The following RAB3IP variants were observed in gnomAD, a reference collection of about 807,000 sequenced individuals.
RAB3IP encodes rab-3A-interacting protein.
In RAB3IP, 36 loss-of-function variants were observed where a neutral mutation model predicts 59.1. That is an observed-to-expected ratio of 0.61 (90% CI 0.47 to 0.80). The LOEUF (loss-of-function observed/expected upper bound fraction) is 0.80. Among genes scored for constraint, RAB3IP ranks in the 30% least tolerant of loss-of-function variants. The pLI is 0.00. For synonymous variants in RAB3IP, 207 were observed against 191.2 expected (o/e 1.08, Z -0.68); for missense variants, 511 against 536.0 (o/e 0.95, Z 0.46).
At chr12:69,763,854 C>T (rs1253246905) in intron 3 of RAB3IP, among the ~76,000 whole-genome samples, 1 of 152,128 alleles carries the variant, frequency 6.6e-6, no homozygotes, top group African/African-American at 2.4e-5. Flanking sequence ...GAAAAAAATG[C>T]AATACTTGGT....
At chr12:69,754,937 C>T (rs1280292340) in intron 1 of RAB3IP, among the ~76,000 whole-genome samples, 1 of 152,072 alleles carries the variant, frequency 6.6e-6, no homozygotes, top group Non-Finnish European at 1.5e-5. Context: ...AATTTTTATT[C>T]ATTCCTCATA....
chr12:69,762,359 T>C (rs1871441422), intron 3 of RAB3IP, among the ~76,000 whole-genome samples: 1 of 152,198 alleles, frequency 6.6e-6, no homozygotes, highest in Non-Finnish European at 1.5e-5. Flanking sequence ...ATCAAATTAT[T>C]GTGTTGAGGT....
intron 3 of RAB3IP, among the ~76,000 whole-genome samples, chr12:69,767,638 C>T (rs538537593): frequency 3.3e-5 from 5 of 152,334 alleles, no homozygotes; most frequent in Admixed American, 3.3e-4. Context: ...AGTTGGTGCT[C>T]CAGGTGCCTG....
rs948841771 is a variant in RAB3IP, at chr12:69,768,240, G to C, written c.510+11577G>C. On this transcript the variant is annotated intron_variant, in intron 3 of 10. Transcript: ENST00000247833. ...GATCTGCCTGGGCATGGACCAGAGA[G>C]GGTCTTGCTGTACCACAGTCTATGT... is the stretch of plus-strand genomic sequence containing the variant. Among the ~76,000 whole-genome samples the C allele has an allele frequency of 2.6e-5, 4 of 152,108 alleles. No individual in the cohort carries two copies. In the East Asian group the frequency reaches 7.7e-4, roughly 29 times the overall value.
At chr12:69,771,217 A>G (rs1365501852) in intron 3 of RAB3IP, among the ~76,000 whole-genome samples, 1 of 152,168 alleles carries the variant, frequency 6.6e-6, no homozygotes, top group East Asian at 1.9e-4. Context: ...ATAGTATTTC[A>G]TTTTGTATAT....
intron 8 of RAB3IP, among the ~76,000 whole-genome samples, chr12:69,803,551 G>A (rs193274339): frequency 6.6e-5 from 10 of 151,796 alleles, no homozygotes; most frequent in Admixed American, 6.6e-4. Context: ...CAACATGCAG[G>A]TTTGTTACAT....
At chr12:69,780,731 G>A (rs997856061) in intron 3 of RAB3IP, among the ~76,000 whole-genome samples, 3 of 152,200 alleles carry the variant, frequency 2.0e-5, no homozygotes, top group African/African-American at 7.2e-5. Flanking sequence ...TAACTTTCAG[G>A]TCTGCTGCCA....
intron 8 of RAB3IP, among the ~76,000 whole-genome samples, chr12:69,803,051 C>T (rs985905850): frequency 2.6e-5 from 4 of 152,172 alleles, no homozygotes; most frequent in African/African-American, 9.7e-5. Flanking sequence ...TGTCATGCCT[C>T]ATTTTAAATA....
At chr12:69,748,998 A>G (rs1182076811) in intron 1 of RAB3IP, among the ~76,000 whole-genome samples, 1 of 152,218 alleles carries the variant, frequency 6.6e-6, no homozygotes, top group African/African-American at 2.4e-5. Flanking sequence ...CAGTATTTAA[A>G]TGTATCCCCC....
rs570474190 is a variant in RAB3IP at position 69,805,430 on chromosome 12, T to C, written c.1130+3709T>C. Among the ~76,000 whole-genome samples, 420 of 152,328 alleles carry C rather than the reference T, an allele frequency of 2.8e-3. 6 individuals are homozygous for C. Among genetic ancestry groups the C allele is most frequent in the Middle Eastern group, 0.024 (7 of 294 alleles). ...ATGGGGTTTTCTATGTGTACAATCA[T>C]GTCATCTGCAAATTGGGACAATTTG... On this transcript the variant is annotated intron_variant, in intron 8 of 10. Transcript: ENST00000247833.
intron 3 of RAB3IP, among the ~76,000 whole-genome samples, chr12:69,780,644 C>A (rs1874536373): frequency 6.6e-6 from 1 of 152,188 alleles, no homozygotes; most frequent in African/African-American, 2.4e-5. Flanking sequence ...GGTAAATCTT[C>A]TTCTGGGTCC....
intron 8 of RAB3IP, among the ~76,000 whole-genome samples, chr12:69,809,096 TG>T (rs1289190913): frequency 6.7e-6 from 1 of 150,316 alleles, no homozygotes; most frequent in Non-Finnish European, 1.5e-5. Flanking sequence ...GCAGGCCTGG[TG>T]GTGACAAAAT....
chr12:69,746,279 T>C (rs1333809228), intron 1 of RAB3IP, among the ~76,000 whole-genome samples: 1 of 152,188 alleles, frequency 6.6e-6, no homozygotes. Flanking sequence ...ACATTTTCTC[T>C]TTTAAAGAAG....
chr12:69,784,995 A>G, intron 4 of RAB3IP, 180 bp downstream of exon 4: 3 of 369,490 alleles, frequency 8.1e-6, no homozygotes, highest in Non-Finnish European at 4.9e-6. Context: ...TGTGAAAAGA[A>G]ATAAAAAACA....
chr12:69,745,006 T>C (rs1414852178), intron 1 of RAB3IP, among the ~76,000 whole-genome samples: 6 of 152,208 alleles, frequency 3.9e-5, no homozygotes, highest in African/African-American at 1.2e-4. Context: ...TTTTGAACTT[T>C]CCTTTTTATT....
intron 8 of RAB3IP, among the ~76,000 whole-genome samples, chr12:69,810,687 G>C (rs1399910461): frequency 6.6e-6 from 1 of 152,088 alleles, no homozygotes; most frequent in Non-Finnish European, 1.5e-5. Context: ...AAGTTAGATT[G>C]GGGTGGGGGG....
chr12:69,802,433 A>G (rs1334020854), intron 8 of RAB3IP, among the ~76,000 whole-genome samples: 2 of 152,238 alleles, frequency 1.3e-5, no homozygotes, highest in African/African-American at 4.8e-5. Context: ...ATAGCAGGGC[A>G]GACTTGTTTT....
chr12:69,741,145 G>A (rs940624985), intron 1 of RAB3IP, among the ~76,000 whole-genome samples: 1 of 152,216 alleles, frequency 6.6e-6, no homozygotes, highest in Non-Finnish European at 1.5e-5. Context: ...ATGTGGGGAA[G>A]GGGAGAAGGA....
chr12:69,810,629 G>A (rs1448730045), intron 8 of RAB3IP, among the ~76,000 whole-genome samples: 7 of 151,910 alleles, frequency 4.6e-5, no homozygotes, highest in African/African-American at 1.7e-4. Context: ...TTCAAAGGAT[G>A]GTCAGTGTAT....
Sources: gnomAD v4.1 joint callset for allele counts (sites outside exome capture counted in the v4.1 genomes callset) on GRCh38, gnomAD v4.1.1 for gene constraint, MANE v1.5 for transcripts, NCBI Gene and HGNC (gene_info 2026-07-23, HGNC 2026-07-21) for gene names.